SEL1L3: variants seen among roughly 807,000 people sequenced by gnomAD.
The protein encoded by SEL1L3 is SEL1L family member 3, also known as protein sel-1 homolog 3.
In SEL1L3, 76 loss-of-function variants were observed where a neutral mutation model predicts 142.8. The observed-to-expected ratio is 0.53, with a 90% CI of 0.44 to 0.64. The LOEUF (loss-of-function observed/expected upper bound fraction) is 0.64, where lower values mean the gene tolerates loss of function less well. Among genes scored for constraint, SEL1L3 ranks in the 30% least tolerant of loss-of-function variants. The pLI is 0.00. For missense variants in SEL1L3, 1,262 were observed against 1,381.7 expected, an observed-to-expected ratio of 0.91 and a Z score of 1.37; for synonymous variants, 504 against 519.6, an observed-to-expected ratio of 0.97 and a Z score of 0.41.
intron 11 of SEL1L3, among the ~76,000 whole-genome samples, chr4:25,798,240 T>C (rs903012658): frequency 2.0e-5 from 3 of 152,222 alleles, no homozygotes; most frequent in South Asian, 2.1e-4. Context: ...GTTGTTGTTG[T>C]TGCTGCCATT....
At chr4:25,844,904 C>T (rs1287042720) in intron 2 of SEL1L3, among the ~76,000 whole-genome samples, 2 of 152,186 alleles carry the variant, frequency 1.3e-5, no homozygotes. Context: ...CCACCCTCCC[C>T]ACTATGTGCA....
At position 25,784,399 on chromosome 4, in the gene SEL1L3, CTT is replaced by C. The variant is rs1458290293; in HGVS notation, c.2218-111_2218-110del. The C allele has an allele frequency of 4.7e-6, 4 of 858,298 alleles. No homozygotes were observed. In the South Asian group the frequency reaches 5.9e-5, roughly 13 times the overall value. The allele number at this position is 858,298 out of a possible 1,614,324, so 53.2% of individuals were successfully genotyped here. ...TACTTAAAAATAAAACCCTAACTTT[CTT>C]CATTTAAACCCAAGCTTAGGGATTT... On this transcript the variant is annotated intron_variant, in intron 13 of 23. Transcript: ENST00000399878.
chr4:25,820,889 C>T (rs1824095), intron 7 of SEL1L3, among the ~76,000 whole-genome samples: 22,024 of 151,994 alleles, frequency 0.14, 4,242 homozygotes, highest in African/African-American at 0.43. Flanking sequence ...CAAGTGAGCA[C>T]GTCCAGCTAA....
rs1429492191 is a variant in SEL1L3, at chr4:25,862,935, C to T, written c.-99G>A. 120 of 876,110 alleles carry T rather than the reference C, an allele frequency of 1.4e-4. 2 individuals carry two copies. Among genetic ancestry groups the T allele is most frequent in the Non-Finnish European group, 1.6e-4 (118 of 733,746 alleles). The allele number at this position is 876,110 out of a possible 1,614,324, so 54.3% of individuals were successfully genotyped here. On this transcript the variant is annotated 5_prime_UTR_variant, in exon 1 of 24. Transcript: ENST00000399878. ...TCCCGCCCGCCCCCGGCCGGGCCGG[C>T]CGCCGCGCGCGGGGCCACCTGCCGC...
At chr4:25,783,108 C>T (rs1711545855) in intron 14 of SEL1L3, among the ~76,000 whole-genome samples, 1 of 152,222 alleles carries the variant, frequency 6.6e-6, no homozygotes, top group South Asian at 2.1e-4. Context: ...CATCAATTCA[C>T]TACTAGGATG....
intron 17 of SEL1L3, 62 bp from the exon 18 acceptor site, chr4:25,767,892 CT>C: frequency 9.5e-7 from 1 of 1,055,194 alleles, no homozygotes; most frequent in South Asian, 1.5e-5. Flanking sequence ...TCACAGAGAG[CT>C]TTACATTCAA....
At chr4:25,839,184 T>C (rs1245520193) in intron 2 of SEL1L3, among the ~76,000 whole-genome samples, 1 of 152,220 alleles carries the variant, frequency 6.6e-6, no homozygotes, top group Admixed American at 6.5e-5. Flanking sequence ...TAATTTTCTT[T>C]AAAGCCAAAG....
In SEL1L3 at chr4:25,778,856, G is replaced by A. The variant is rs549694279; in HGVS notation, c.2585+220C>T. On this transcript the variant is annotated intron_variant, in intron 16 of 23. Transcript: ENST00000399878. Reference sequence around the variant, plus strand: ...AGCAGAAAATAGAGTCTAGGGGTGGGATGAAGTGAGGTAGGCAAGGATTTC... The same window carrying A: ...AGCAGAAAATAGAGTCTAGGGGTGGAATGAAGTGAGGTAGGCAAGGATTTC... Among the ~76,000 whole-genome samples, 9 of 152,160 alleles carry A rather than the reference G, an allele frequency of 5.9e-5. No individual in the cohort carries two copies. The South Asian group carries it at 1.0e-3, about 18-fold the overall frequency.
At chr4:25,737,635 C>T in the SEL1L3 span, among the ~76,000 whole-genome samples, 1 of 152,150 alleles carries the variant, frequency 6.6e-6, no homozygotes, top group African/African-American at 2.4e-5. Flanking sequence ...CAGTCCATAA[C>T]AAAAATACAG....
chr4:25,842,228 T>C (rs1278395023), intron 2 of SEL1L3, among the ~76,000 whole-genome samples: 1 of 151,476 alleles, frequency 6.6e-6, no homozygotes, highest in Non-Finnish European at 1.5e-5. Flanking sequence ...ATGAAGTTAA[T>C]TTCTGGTTGT....
chr4:25,720,818 C>G, the SEL1L3 span: 1 of 152,138 alleles, frequency 6.6e-6, no homozygotes, highest in Non-Finnish European at 1.5e-5. Context: ...CTTGAAGTAT[C>G]TGCTTTTGAC....
At chr4:25,837,023 T>C (rs577063694) in intron 2 of SEL1L3, among the ~76,000 whole-genome samples, 2 of 152,234 alleles carry the variant, frequency 1.3e-5, no homozygotes, top group East Asian at 3.9e-4. Flanking sequence ...TAGAGATGCA[T>C]TTGGAAATCC....
At chr4:25,744,834 C>T (rs968525988), downstream of SEL1L3, among the ~76,000 whole-genome samples, 4 of 152,262 alleles carry the variant, frequency 2.6e-5, no homozygotes, top group African/African-American at 9.6e-5. Flanking sequence ...GTGAAGACAC[C>T]GAAAGGTGAC....
chr4:25,831,510 A>ATT (rs1560340042), intron 5 of SEL1L3, among the ~76,000 whole-genome samples: 367 of 122,586 alleles, frequency 3.0e-3, no homozygotes, highest in East Asian at 7.8e-3. Context: ...TAATAATAAT[A>ATT]ATTATTATTA....
chr4:25,823,528 C>G lies in SEL1L3; in HGVS notation c.1158-1400G>C, dbSNP rs547770384. 2.0e-4 allele frequency among the ~76,000 whole-genome samples: 30 copies of G among 151,824 alleles called. No individual in the cohort carries two copies. In the East Asian group the frequency reaches 4.8e-3, roughly 24 times the overall value. On this transcript the variant is annotated intron_variant, in intron 6 of 23. Coordinates refer to ENST00000399878, the MANE Select transcript of SEL1L3 (RefSeq NM_015187.5). ...AGACTCCATGTCAAAATAATAATAA[C>G]AAAAATAAATAAATAAAATAAAAAT...
At chr4:25,777,820 T>TGAAGAACAATCTTTTGGA (rs1385970355) in intron 16 of SEL1L3, 1 of 456,102 alleles carries the variant, frequency 2.2e-6, no homozygotes, top group Non-Finnish European at 4.4e-6. Flanking sequence ...AAATGTGTTA[T>TGAAGAACAATCTTTTGGA]GAAGAACAAT....
At chr4:25,836,336 C>T (rs1470583883) in intron 2 of SEL1L3, among the ~76,000 whole-genome samples, 3 of 152,144 alleles carry the variant, frequency 2.0e-5, no homozygotes, top group Non-Finnish European at 4.4e-5. Context: ...ATCCACTTAA[C>T]TCAACCTAGG....
chr4:25,805,402 G>T (rs1198373042), intron 9 of SEL1L3, among the ~76,000 whole-genome samples: 1 of 152,136 alleles, frequency 6.6e-6, no homozygotes, highest in Non-Finnish European at 1.5e-5. Context: ...AGAATAACTT[G>T]TCTAAAGTTA....
chr4:25,822,182 A>G, intron 6 of SEL1L3, 54 bp from the exon 7 acceptor site: 1 of 1,607,046 alleles, frequency 6.2e-7, no homozygotes, highest in South Asian at 1.1e-5. Flanking sequence ...TAGATGATTT[A>G]AAAACAGTCT....
Sources: allele counts gnomAD v4.1 joint callset (sites outside exome capture counted in the v4.1 genomes callset), GRCh38; gene constraint gnomAD v4.1.1; transcripts MANE v1.5; gene names NCBI Gene and HGNC (gene_info 2026-07-23, HGNC 2026-07-21).